IL1RAPL1: variants seen among roughly 807,000 people sequenced by gnomAD.
IL1RAPL1 encodes the protein interleukin-1 receptor accessory protein-like 1.
IL1RAPL1 carries 3 observed loss-of-function variants against 48.4 expected under a neutral mutation model. That is an observed-to-expected ratio of 0.06 (90% CI 0.03 to 0.16). The LOEUF is 0.16. IL1RAPL1 is among the 10% of genes least tolerant of loss of function. IL1RAPL1 has a pLI of 1.00. For missense variants in IL1RAPL1, 349 were observed against 530.6 expected, an observed-to-expected ratio of 0.66 and a Z score of 3.36; for synonymous variants, 185 against 187.7, an observed-to-expected ratio of 0.99 and a Z score of 0.12.
chrX:29,518,494 A>T (rs901540977), intron 5 of IL1RAPL1, among the ~76,000 whole-genome samples: 4 of 110,889 alleles, frequency 3.6e-5, no homozygotes, highest in African/African-American at 1.3e-4. Flanking sequence ...TTAAAATATG[A>T]TGATTAGGGT....
intron 5 of IL1RAPL1, among the ~76,000 whole-genome samples, chrX:29,572,737 G>C (rs1310009716): frequency 8.9e-6 from 1 of 111,843 alleles, no homozygotes; most frequent in Non-Finnish European, 1.9e-5. Context: ...AGAGAATCTT[G>C]CTTATCTTTA....
At chrX:29,392,946 T>C (rs1044437128) in intron 3 of IL1RAPL1, among the ~76,000 whole-genome samples, 3 of 112,050 alleles carry the variant, frequency 2.7e-5, no homozygotes, top group Non-Finnish European at 5.6e-5. Flanking sequence ...AAAATGGAAG[T>C]ATAAAGAAAC....
chrX:29,136,373 T>A (rs1435284773), intron 2 of IL1RAPL1, among the ~76,000 whole-genome samples: 1 of 111,685 alleles, frequency 9.0e-6, no homozygotes, highest in African/African-American at 3.3e-5. Context: ...GTGATCAGCC[T>A]GCCTCAGCCT....
chrX:29,439,228 T>G (rs1171622153), intron 5 of IL1RAPL1, among the ~76,000 whole-genome samples: 1 of 111,368 alleles, frequency 9.0e-6, no homozygotes, highest in Non-Finnish European at 1.9e-5. Context: ...CTATCCTGGA[T>G]TCTAGGTTTT....
intron 2 of IL1RAPL1, among the ~76,000 whole-genome samples, chrX:29,006,720 A>C (rs983101504): frequency 2.0e-5 from 2 of 102,544 alleles, no homozygotes; most frequent in African/African-American, 7.2e-5. Context: ...AAATTTCCCA[A>C]CTCAAGTATG....
At chrX:29,881,056 CCCTT>C (rs1318708516) in intron 6 of IL1RAPL1, among the ~76,000 whole-genome samples, 2 of 111,343 alleles carry the variant, frequency 1.8e-5, no homozygotes, top group East Asian at 5.6e-4. Flanking sequence ...CTTTCCCCCT[CCCTT>C]GTGGTCCTCC....
At chrX:28,666,209 C>T (rs1417593905) in intron 1 of IL1RAPL1, among the ~76,000 whole-genome samples, 9 of 111,569 alleles carry the variant, frequency 8.1e-5, no homozygotes, top group Non-Finnish European at 9.4e-5. Context: ...GCAGGATGCC[C>T]GGTGAAAAAA....
At chrX:29,131,697 T>C (rs1217642866) in intron 2 of IL1RAPL1, among the ~76,000 whole-genome samples, 1 of 111,368 alleles carries the variant, frequency 9.0e-6, no homozygotes, top group Non-Finnish European at 1.9e-5. Context: ...TTGGTAAAAA[T>C]ACAAAACCCT....
At chrX:29,827,719 C>A (rs950281216) in intron 6 of IL1RAPL1, among the ~76,000 whole-genome samples, 9 of 112,678 alleles carry the variant, frequency 8.0e-5, no homozygotes, top group Non-Finnish European at 1.7e-4. Context: ...TGACCTAAAA[C>A]AAATTACTTA....
chrX:28,592,486 T>C (rs1246657412), intron 1 of IL1RAPL1, among the ~76,000 whole-genome samples: 1 of 111,980 alleles, frequency 8.9e-6, no homozygotes, highest in Non-Finnish European at 1.9e-5. Flanking sequence ...TAATAATTAC[T>C]AACTTTCTTT....
At position 29,955,130 on chromosome X, in the gene IL1RAPL1, A is replaced by C. The variant is rs1293765070; in HGVS notation, c.1401A>C (p.Val467=). The change falls in exon 11 of 11, where the codon GTA becomes GTC. Residue 467 remains valine, a synonymous_variant. Coordinates refer to ENST00000378993, the MANE Select transcript of IL1RAPL1 (RefSeq NM_014271.4). ...GTYIEDVARC[V]DQSKRLIIVM... Reference sequence around the variant, plus strand: ...ACATTGAAGATGTGGCAAGATGTGTAGATCAAAGCAAGCGGCTGATTATTG... The same window carrying C: ...ACATTGAAGATGTGGCAAGATGTGTCGATCAAAGCAAGCGGCTGATTATTG... The C allele has an allele frequency of 8.3e-7, 1 of 1,210,489 alleles. No individual in the cohort carries two copies. Among genetic ancestry groups the C allele is most frequent in the East Asian group, 3.0e-5 (1 of 33,861 alleles).
chrX:29,311,915 C>T (rs187831571), intron 3 of IL1RAPL1, among the ~76,000 whole-genome samples: 1 of 111,924 alleles, frequency 8.9e-6, no homozygotes, highest in Admixed American at 9.5e-5. Context: ...ATCCACTCAA[C>T]TAACATCTAA....
intron 6 of IL1RAPL1, among the ~76,000 whole-genome samples, chrX:29,873,214 TAA>T (rs200218128): frequency 2.5e-4 from 26 of 104,822 alleles, no homozygotes; most frequent in African/African-American, 8.9e-4. Context: ...ATGTAGCAAA[TAA>T]AAAAAAAAAT....
At chrX:28,831,024 C>CTG (rs150869644) in intron 2 of IL1RAPL1, among the ~76,000 whole-genome samples, 43 of 59,235 alleles carry the variant, frequency 7.3e-4, no homozygotes, top group Middle Eastern at 7.2e-3. Context: ...CTCTCTCTCT[C>CTG]TCTGTGTGTG....
chrX:29,462,551 A>T (rs1331899333), intron 5 of IL1RAPL1, among the ~76,000 whole-genome samples: 2 of 111,353 alleles, frequency 1.8e-5, no homozygotes, highest in Non-Finnish European at 3.8e-5. Context: ...GGCATCCATC[A>T]TTCCCTCTCT....
At chrX:28,883,487 A>G (rs1489688700) in intron 2 of IL1RAPL1, among the ~76,000 whole-genome samples, 1 of 112,102 alleles carries the variant, frequency 8.9e-6, no homozygotes, top group East Asian at 2.8e-4. Flanking sequence ...TTAAATTTAA[A>G]TAGTCACTTG....
Position 29,454,465 on chromosome X carries a change from T to C in IL1RAPL1, c.703+55157T>C, listed in dbSNP as rs141317624. ...CCAAACTGACCAGCAGGTTGATAGG[T>C]TGGTTGGGAATAAGGTGAGAACTTT... On this transcript the variant is annotated intron_variant, in intron 5 of 10. Coordinates refer to ENST00000378993, the MANE Select transcript of IL1RAPL1 (RefSeq NM_014271.4). Among the ~76,000 whole-genome samples the C allele has an allele frequency of 5.8e-3, 643 of 110,798 alleles. 6 individuals carry two copies. The highest frequency in any genetic ancestry group is 0.019 in the African/African-American group (571 of 30,438).
intron 2 of IL1RAPL1, among the ~76,000 whole-genome samples, chrX:28,903,424 C>CTTTTTTTTTT (rs199661606): frequency 4.0e-5 from 4 of 100,131 alleles, no homozygotes; most frequent in Non-Finnish European, 6.1e-5. Context: ...TTCTTTCTTT[C>CTTTTTTTTTT]TTTTTTTTTT....
intron 1 of IL1RAPL1, among the ~76,000 whole-genome samples, chrX:28,647,394 G>A (rs1028706176): frequency 9.0e-6 from 1 of 111,218 alleles, no homozygotes; most frequent in African/African-American, 3.3e-5. Flanking sequence ...CTGTTCTCTT[G>A]TTTGGCCTTT....
Sources: allele counts gnomAD v4.1 joint callset (sites outside exome capture counted in the v4.1 genomes callset), GRCh38; gene constraint gnomAD v4.1.1; transcripts MANE v1.5; gene names NCBI Gene and HGNC (gene_info 2026-07-23, HGNC 2026-07-21).